Variants in PRKCA observed in about 807,000 individuals in gnomAD.
PRKCA encodes the protein protein kinase C alpha.
In PRKCA, 27 loss-of-function variants were observed where a neutral mutation model predicts 87.0. That is an observed-to-expected ratio of 0.31 (90% CI 0.23 to 0.43). The LOEUF is 0.43. PRKCA is among the 20% of genes least tolerant of loss of function. The pLI, the probability that PRKCA is intolerant of heterozygous loss-of-function variation, is 1.00. For synonymous variants in PRKCA, 329 were observed against 311.1 expected (o/e 1.06, Z -0.61); for missense variants, 518 against 852.3 (o/e 0.61, Z 4.88).
chr17:66,502,298 G>T (rs1307977694), intron 3 of PRKCA, among the ~76,000 whole-genome samples: 2 of 151,442 alleles, frequency 1.3e-5, no homozygotes, highest in Non-Finnish European at 2.9e-5. Context: ...GCAGTGGCGC[G>T]ATCTTGGCTC....
chr17:66,651,577 G>A (rs1971592114), intron 5 of PRKCA, among the ~76,000 whole-genome samples: 1 of 152,200 alleles, frequency 6.6e-6, no homozygotes, highest in Admixed American at 6.5e-5. Context: ...TGCCAGCAAG[G>A]AGATGCACCA....
At chr17:66,570,234 T>C (rs1395192527) in intron 3 of PRKCA, among the ~76,000 whole-genome samples, 1 of 152,178 alleles carries the variant, frequency 6.6e-6, no homozygotes, top group Non-Finnish European at 1.5e-5. Flanking sequence ...GAAGAGTGAC[T>C]AGAACAGGCA....
intron 3 of PRKCA, among the ~76,000 whole-genome samples, chr17:66,551,787 A>G (rs1263429933): frequency 6.6e-6 from 1 of 152,160 alleles, no homozygotes; most frequent in East Asian, 1.9e-4. Flanking sequence ...ATATATATAT[A>G]TGAGAGAGAG....
chr17:66,397,967 C>T (rs1169095229), intron 2 of PRKCA: 1 of 152,236 alleles, frequency 6.6e-6, no homozygotes, highest in Non-Finnish European at 1.5e-5. Flanking sequence ...AGGGAGCTGG[C>T]ATCTACCATC....
intron 2 of PRKCA, among the ~76,000 whole-genome samples, chr17:66,417,906 C>T (rs1912252510): frequency 6.6e-6 from 1 of 152,168 alleles, no homozygotes; most frequent in Non-Finnish European, 1.5e-5. Flanking sequence ...CTACTTACCT[C>T]TTTTATTTCT....
At chr17:66,778,326 A>G (rs1273238681) in intron 14 of PRKCA, 1 of 613,340 alleles carries the variant, frequency 1.6e-6, no homozygotes, top group Non-Finnish European at 2.0e-6. Context: ...ATCCTGGCTA[A>G]CACAGTGAAA....
At chr17:66,610,804 T>C (rs2143637852) in intron 3 of PRKCA, among the ~76,000 whole-genome samples, 1 of 152,252 alleles carries the variant, frequency 6.6e-6, no homozygotes, top group South Asian at 2.1e-4. Flanking sequence ...AGATCTAAGC[T>C]GACCCGACTG....
At chr17:66,494,411 G>T (rs769239522) in intron 2 of PRKCA, among the ~76,000 whole-genome samples, 1 of 152,172 alleles carries the variant, frequency 6.6e-6, no homozygotes, top group South Asian at 2.1e-4. Flanking sequence ...ATGCTCCCAG[G>T]GGGAGGAAGA....
At chr17:66,408,364 G>T (rs1483816832) in intron 2 of PRKCA, among the ~76,000 whole-genome samples, 1 of 152,172 alleles carries the variant, frequency 6.6e-6, no homozygotes, top group East Asian at 1.9e-4. Flanking sequence ...TTAGAGAACT[G>T]CATTTTAGGG....
chr17:66,705,515 G>T (rs938496108), intron 8 of PRKCA, among the ~76,000 whole-genome samples: 1 of 152,240 alleles, frequency 6.6e-6, no homozygotes, highest in Admixed American at 6.5e-5. Context: ...GTGCATTCTA[G>T]TTGTCTGTCT....
At chr17:66,604,460 G>C (rs754627441) in intron 3 of PRKCA, among the ~76,000 whole-genome samples, 1 of 152,190 alleles carries the variant, frequency 6.6e-6, no homozygotes, top group African/African-American at 2.4e-5. Context: ...CCACAGCCAA[G>C]GTTTTCTCTA....
At chr17:66,487,534 C>T (rs772952561) in intron 2 of PRKCA, among the ~76,000 whole-genome samples, 20 of 152,116 alleles carry the variant, frequency 1.3e-4, no homozygotes, top group Admixed American at 3.3e-4. Flanking sequence ...CTGATGTATA[C>T]GCAGCAGTGG....
intron 8 of PRKCA, among the ~76,000 whole-genome samples, chr17:66,721,193 G>A (rs1336776958): frequency 3.3e-5 from 5 of 151,924 alleles, no homozygotes; most frequent in East Asian, 1.9e-4. Context: ...TCAGGAGATC[G>A]AGACCATCCT....
At chr17:66,473,130 T>C (rs911241233) in intron 2 of PRKCA, among the ~76,000 whole-genome samples, 1 of 152,048 alleles carries the variant, frequency 6.6e-6, no homozygotes, top group Admixed American at 6.6e-5. Flanking sequence ...CCTGCTCCAG[T>C]ATTGCATATT....
intron 3 of PRKCA, among the ~76,000 whole-genome samples, chr17:66,585,323 C>T (rs540177610): frequency 6.6e-6 from 1 of 152,280 alleles, no homozygotes; most frequent in South Asian, 2.1e-4. Flanking sequence ...TAGCCATTTC[C>T]TATCCGCAGA....
chr17:66,694,474 C>G (rs1433894988), intron 8 of PRKCA, among the ~76,000 whole-genome samples: 1 of 98,298 alleles, frequency 1.0e-5, no homozygotes, highest in African/African-American at 4.4e-5. Flanking sequence ...GAGCGAGACT[C>G]TGTCTCAAAA....
chr17:66,319,156 AATGGTGGTCTGCC>A (rs1331912422), intron 2 of PRKCA, among the ~76,000 whole-genome samples: 3 of 152,004 alleles, frequency 2.0e-5, no homozygotes, highest in African/African-American at 4.8e-5. Flanking sequence ...AAAGGCTTGC[AATGGTGGTCTGCC>A]ATGGTGGTCT....
At chr17:66,343,642 G>A (rs1031433151) in intron 2 of PRKCA, among the ~76,000 whole-genome samples, 3 of 152,072 alleles carry the variant, frequency 2.0e-5, no homozygotes, top group Non-Finnish European at 2.9e-5. Context: ...GGACGGAGGA[G>A]GTGGGGAGGT....
At chr17:66,478,826 A>T (rs1165346302) in intron 2 of PRKCA, among the ~76,000 whole-genome samples, 1 of 152,154 alleles carries the variant, frequency 6.6e-6, no homozygotes, top group Non-Finnish European at 1.5e-5. Flanking sequence ...TTAAAACAGT[A>T]AATAGCCCCA....
Sources: allele counts gnomAD v4.1 joint callset (sites outside exome capture counted in the v4.1 genomes callset), GRCh38; gene constraint gnomAD v4.1.1; transcripts MANE v1.5; gene names NCBI Gene and HGNC (gene_info 2026-07-23, HGNC 2026-07-21).